DAB2IP: variants seen among roughly 807,000 people sequenced by gnomAD.
The protein encoded by DAB2IP is disabled homolog 2-interacting protein.
In DAB2IP, 28 loss-of-function variants were observed where a neutral mutation model predicts 107.2. The ratio of observed to expected loss-of-function variants is 0.26; its 90% CI spans 0.19 to 0.36. The LOEUF (loss-of-function observed/expected upper bound fraction) is 0.36. DAB2IP is among the 10% of genes least tolerant of loss of function. DAB2IP has a pLI of 1.00. For synonymous variants in DAB2IP, 755 were observed against 706.4 expected (o/e 1.07, Z -1.09); for missense variants, 1,400 against 1,644.7 (o/e 0.85, Z 2.57).
chr9:121,774,940 G>C (rs1390445289), intron 13 of DAB2IP, among the ~76,000 whole-genome samples: 2 of 152,206 alleles, frequency 1.3e-5, no homozygotes, highest in African/African-American at 4.8e-5. Context: ...GCAGTTACCA[G>C]CTTGGGGGGT....
chr9:121,647,255 G>A (rs1832570303), upstream of DAB2IP, among the ~76,000 whole-genome samples: 1 of 152,118 alleles, frequency 6.6e-6, no homozygotes, highest in African/African-American at 2.4e-5. Flanking sequence ...CATCAATGAA[G>A]GCTGTGCTCT....
Position 121,772,597 on chromosome 9 carries a change from C to G in DAB2IP, c.2079-10C>G. On this transcript the variant is annotated splice_polypyrimidine_tract_variant and intron_variant, in intron 11 of 15. Coordinates refer to ENST00000408936, the Ensembl canonical transcript of DAB2IP. The surrounding 1 kb of genome is among the most constrained non-coding windows in gnomAD (Gnocchi z 4.7). The stretch of plus-strand genomic sequence containing the variant: ...CCCTTCTTTCCCTGTGTGTGCTTGT[C>G]TCCCTGCAGTCTGATAGATTTCACC... 1 of 1,606,024 alleles carries G rather than the reference C, an allele frequency of 6.2e-7. No homozygotes were observed. Among genetic ancestry groups the G allele is most frequent in the East Asian group, 2.2e-5 (1 of 44,744 alleles).
At chr9:121,664,485 A>C (rs555940045) in intron 1 of DAB2IP, among the ~76,000 whole-genome samples, 1 of 152,288 alleles carries the variant, frequency 6.6e-6, no homozygotes, top group South Asian at 2.1e-4. Flanking sequence ...GTTTGGGGAG[A>C]AATGTCAACT....
At chr9:121,712,074 T>G (rs1830363124) in intron 3 of DAB2IP, among the ~76,000 whole-genome samples, 1 of 152,196 alleles carries the variant, frequency 6.6e-6, no homozygotes, top group African/African-American at 2.4e-5. Flanking sequence ...ATGGATAGGT[T>G]TGCCGGAGCT....
At chr9:121,720,749 T>C (rs2118814859) in intron 3 of DAB2IP, among the ~76,000 whole-genome samples, 1 of 152,198 alleles carries the variant, frequency 6.6e-6, no homozygotes, top group East Asian at 1.9e-4. Context: ...TCCTGGGGGC[T>C]GCAGTAGGCA....
intron 3 of DAB2IP, among the ~76,000 whole-genome samples, chr9:121,709,162 C>T (rs1830205923): frequency 6.6e-6 from 1 of 152,224 alleles, no homozygotes; most frequent in Non-Finnish European, 1.5e-5. Flanking sequence ...AAAGCAAAAA[C>T]AAAAACAGAA....
intron 1 of DAB2IP, among the ~76,000 whole-genome samples, chr9:121,670,322 G>A: frequency 6.6e-6 from 1 of 152,214 alleles, no homozygotes; most frequent in East Asian, 1.9e-4. Flanking sequence ...GCTGTAACAA[G>A]TTAAAACTTA....
At chr9:121,595,709 G>GT (rs1830517522) in intron 1 of DAB2IP, among the ~76,000 whole-genome samples, 1 of 152,146 alleles carries the variant, frequency 6.6e-6, no homozygotes, top group Non-Finnish European at 1.5e-5. Flanking sequence ...CTATCCAGAG[G>GT]TAAAAACTTT....
intron 1 of DAB2IP, among the ~76,000 whole-genome samples, chr9:121,624,600 T>C (rs78392964): frequency 0.073 from 11,089 of 152,336 alleles, 482 homozygotes; most frequent in Non-Finnish European, 0.1. Context: ...TTTACAATTG[T>C]ATTGCAATTG....
upstream of DAB2IP, among the ~76,000 whole-genome samples, chr9:121,649,863 C>T (rs1832678683): frequency 6.6e-6 from 1 of 152,232 alleles, no homozygotes; most frequent in Non-Finnish European, 1.5e-5. Flanking sequence ...ACCATGTCTG[C>T]TGTTGAAAGG....
chr9:121,704,884 C>G (rs1318594613), intron 3 of DAB2IP, among the ~76,000 whole-genome samples: 2 of 152,162 alleles, frequency 1.3e-5, no homozygotes, highest in African/African-American at 4.8e-5. Flanking sequence ...GAGCTGGGGC[C>G]TATGCAGAAG....
Position 121,699,572 on chromosome 9 carries a change from A to T in DAB2IP, c.362+114A>T. 1 of 966,410 alleles carries T rather than the reference A, an allele frequency of 1.0e-6. No individual in the cohort carries two copies. 59.9% of individuals were successfully genotyped at this position (966,410 alleles called of 1,614,324 possible). On this transcript the variant is annotated intron_variant, in intron 3 of 15. Transcript: ENST00000408936. The surrounding 1 kb of genome is among the most constrained non-coding windows in gnomAD (Gnocchi z 6.2). Reference sequence around the variant, plus strand: ...GGGCGAGCCACACGGCGGTGGGGGGACCCCACGCCGCCCGCCGGGAACTTA... The same window carrying T: ...GGGCGAGCCACACGGCGGTGGGGGGTCCCCACGCCGCCCGCCGGGAACTTA...
At chr9:121,654,473 G>C (rs915299809) in intron 1 of DAB2IP, among the ~76,000 whole-genome samples, 1 of 152,114 alleles carries the variant, frequency 6.6e-6, no homozygotes, top group Non-Finnish European at 1.5e-5. Context: ...AAAAAAGAAG[G>C]CCTGGAGTGA....
intron 1 of DAB2IP, among the ~76,000 whole-genome samples, chr9:121,590,609 T>C (rs1830406010): frequency 6.6e-6 from 1 of 152,120 alleles, no homozygotes; most frequent in African/African-American, 2.4e-5. Flanking sequence ...GTCGTAAGAA[T>C]TAAATGAGAG....
At chr9:121,712,282 A>C (rs1830373721) in intron 3 of DAB2IP, among the ~76,000 whole-genome samples, 1 of 152,228 alleles carries the variant, frequency 6.6e-6, no homozygotes, top group African/African-American at 2.4e-5. Context: ...CAGATGGTTT[A>C]GGATTCTTAT....
In DAB2IP at chr9:121,684,480, G is replaced by T. The variant is rs968765272; in HGVS notation, c.228+5699G>T. Among the ~76,000 whole-genome samples the T allele has an allele frequency of 2.0e-5, 3 of 152,160 alleles. No individual in the cohort carries two copies. The highest frequency in any genetic ancestry group is 7.2e-5 in the African/African-American group (3 of 41,444). The stretch of plus-strand genomic sequence containing the variant: ...CCATCACATTTCCTGGGAGGAATGG[G>T]TGTTCTTTGGTCCAACTGCCCTCGG... On this transcript the variant is annotated intron_variant, in intron 2 of 15. Transcript: ENST00000408936. This position sits in a 1 kb window ranked among gnomAD's most constrained non-coding sequence, Gnocchi z 4.0.
intron 6 of DAB2IP, among the ~76,000 whole-genome samples, chr9:121,762,763 G>A (rs1833986112): frequency 6.6e-6 from 1 of 152,220 alleles, no homozygotes; most frequent in Non-Finnish European, 1.5e-5. Flanking sequence ...TGAGCACAAG[G>A]AGGTGGGGGC....
chr9:121,705,129 G>A (rs376700570), intron 3 of DAB2IP, among the ~76,000 whole-genome samples: 26 of 152,292 alleles, frequency 1.7e-4, no homozygotes, highest in African/African-American at 5.8e-4. Context: ...ACCTTCCCAA[G>A]ATCTGAGCTG....
At chr9:121,688,662 C>T (rs915474795) in intron 2 of DAB2IP, among the ~76,000 whole-genome samples, 1 of 152,226 alleles carries the variant, frequency 6.6e-6, no homozygotes, top group African/African-American at 2.4e-5. Flanking sequence ...TTCTGTCTCT[C>T]CCACCAGACG....
Sources: gnomAD v4.1 joint callset for allele counts (sites outside exome capture counted in the v4.1 genomes callset) on GRCh38, gnomAD v4.1.1 for gene constraint, Gnocchi (gnomAD v3.1) non-coding constraint, MANE v1.5 for transcripts, NCBI Gene and HGNC (gene_info 2026-07-23, HGNC 2026-07-21) for gene names.